The following CADPS2 variants were observed in gnomAD, a reference collection of about 807,000 sequenced individuals.
CADPS2 encodes the protein calcium dependent secretion activator 2.
CADPS2 carries 93 observed loss-of-function variants against 172.5 expected under a neutral mutation model. That is an observed-to-expected ratio of 0.54 (90% confidence interval 0.46 to 0.64). The LOEUF is 0.64. CADPS2 is among the 30% of genes least tolerant of loss of function. CADPS2 has a pLI of 0.00. For missense variants in CADPS2, 1,420 were observed against 1,565.9 expected (o/e 0.91, Z 1.57); for synonymous variants, 546 against 555.2 (o/e 0.98, Z 0.23).
At chr7:122,633,471 T>C (rs1267708620) in intron 3 of CADPS2, among the ~76,000 whole-genome samples, 1 of 152,116 alleles carries the variant, frequency 6.6e-6, no homozygotes, top group Non-Finnish European at 1.5e-5. Context: ...GTAAATGGGA[T>C]TGTGTTCTTG....
intron 1 of CADPS2, among the ~76,000 whole-genome samples, chr7:122,799,557 T>G (rs1797136678): frequency 7.2e-6 from 1 of 138,764 alleles, no homozygotes; most frequent in Non-Finnish European, 1.5e-5. Context: ...TAAGCAGAGA[T>G]CGCACCACTG....
At chr7:122,706,639 TAGTTAC>T (rs1321552501) in intron 2 of CADPS2, among the ~76,000 whole-genome samples, 1 of 147,536 alleles carries the variant, frequency 6.8e-6, no homozygotes, top group Non-Finnish European at 1.5e-5. Context: ...TATATATATA[TAGTTAC>T]ATGCTCTTAA....
At chr7:122,769,206 C>A (rs1388618412) in intron 1 of CADPS2, among the ~76,000 whole-genome samples, 1 of 152,176 alleles carries the variant, frequency 6.6e-6, no homozygotes, top group Admixed American at 6.5e-5. Flanking sequence ...AGTTTGTATT[C>A]TTTCACCAAC....
chr7:122,345,152 G>A (rs1418922514), intron 28 of CADPS2, among the ~76,000 whole-genome samples: 1 of 151,952 alleles, frequency 6.6e-6, no homozygotes, highest in Non-Finnish European at 1.5e-5. Flanking sequence ...TTGAGAGAAA[G>A]TCTCACTCTT....
intron 1 of CADPS2, among the ~76,000 whole-genome samples, chr7:122,759,974 T>G (rs918400021): frequency 6.6e-6 from 1 of 150,594 alleles, no homozygotes; most frequent in Admixed American, 6.6e-5. Context: ...TGGGTGTATA[T>G]AGGTGTATTT....
intron 3 of CADPS2, among the ~76,000 whole-genome samples, chr7:122,645,709 C>A (rs2134743284): frequency 7.8e-6 from 1 of 128,994 alleles, no homozygotes; most frequent in African/African-American, 2.9e-5. Flanking sequence ...TAGTTAGATC[C>A]ACTGGAAAAA....
chr7:122,855,712 G>A (rs1265422995), intron 1 of CADPS2, among the ~76,000 whole-genome samples: 3 of 152,130 alleles, frequency 2.0e-5, no homozygotes, highest in Non-Finnish European at 2.9e-5. Flanking sequence ...TGAAAAGAAT[G>A]CAGACTGCTT....
At chr7:122,477,148 A>G (rs2056791697) in intron 12 of CADPS2, among the ~76,000 whole-genome samples, 1 of 152,008 alleles carries the variant, frequency 6.6e-6, no homozygotes, top group Admixed American at 6.6e-5. Context: ...ACAGGCATTC[A>G]GTTTCAGTTT....
At chr7:122,685,778 A>G (rs1334353313) in intron 2 of CADPS2, among the ~76,000 whole-genome samples, 4 of 152,178 alleles carry the variant, frequency 2.6e-5, no homozygotes, top group Non-Finnish European at 5.9e-5. Flanking sequence ...AGGGCAATCA[A>G]TATTTGTTGA....
At chr7:122,683,641 A>G (rs2083306147) in intron 2 of CADPS2, among the ~76,000 whole-genome samples, 1 of 152,086 alleles carries the variant, frequency 6.6e-6, no homozygotes, top group Non-Finnish European at 1.5e-5. Context: ...GCTACTTAAA[A>G]TGTTATCTGT....
chr7:122,564,562 C>G (rs2066159521), intron 7 of CADPS2, among the ~76,000 whole-genome samples: 1 of 152,050 alleles, frequency 6.6e-6, no homozygotes, highest in African/African-American at 2.4e-5. Context: ...CTACCTCGGA[C>G]TCCCAAAGTG....
intron 2 of CADPS2, among the ~76,000 whole-genome samples, chr7:122,696,066 A>T (rs1411416702): frequency 6.6e-6 from 1 of 152,188 alleles, no homozygotes; most frequent in Non-Finnish European, 1.5e-5. Context: ...TTTCTTGGAC[A>T]AATGGTAGAA....
intron 8 of CADPS2, among the ~76,000 whole-genome samples, chr7:122,552,782 T>G (rs974386364): frequency 1.3e-5 from 2 of 151,452 alleles, no homozygotes; most frequent in African/African-American, 2.4e-5. Context: ...CCTGTTTTTT[T>G]TTTTTTTTTT....
intron 3 of CADPS2, among the ~76,000 whole-genome samples, chr7:122,662,278 C>T (rs1226407897): frequency 6.6e-6 from 1 of 150,382 alleles, no homozygotes; most frequent in East Asian, 2.0e-4. Context: ...TCAACATAAA[C>T]AAACAAAATG....
At chr7:122,410,000 T>C (rs2047106787) in intron 19 of CADPS2, among the ~76,000 whole-genome samples, 2 of 152,180 alleles carry the variant, frequency 1.3e-5, no homozygotes, top group South Asian at 4.1e-4. Context: ...TTTAATTTGC[T>C]TAAGAGGGAA....
intron 17 of CADPS2, among the ~76,000 whole-genome samples, chr7:122,425,224 A>G (rs76636080): frequency 0.028 from 4,298 of 151,818 alleles, 186 homozygotes; most frequent in African/African-American, 0.098. Flanking sequence ...CAAGTGATCC[A>G]TCTTTATCAG....
intron 3 of CADPS2, among the ~76,000 whole-genome samples, chr7:122,658,696 G>A (rs1281066628): frequency 1.3e-5 from 2 of 152,116 alleles, no homozygotes; most frequent in East Asian, 1.9e-4. Context: ...GAGAACACGT[G>A]GACACAGGAA....
At chr7:122,868,987 T>C (rs1819022801) in intron 1 of CADPS2, among the ~76,000 whole-genome samples, 1 of 151,872 alleles carries the variant, frequency 6.6e-6, no homozygotes, top group South Asian at 2.1e-4. Context: ...GACAAAATCA[T>C]TGGAAATCAT....
At chr7:122,523,714 T>A (rs1316768531) in intron 8 of CADPS2, among the ~76,000 whole-genome samples, 1 of 152,132 alleles carries the variant, frequency 6.6e-6, no homozygotes, top group African/African-American at 2.4e-5. Context: ...TAAAGCATGG[T>A]TTCATGTTTT....
Sources: gnomAD v4.1 joint callset for allele counts (sites outside exome capture counted in the v4.1 genomes callset) on GRCh38, gnomAD v4.1.1 for gene constraint, MANE v1.5 for transcripts, NCBI Gene and HGNC (gene_info 2026-07-23, HGNC 2026-07-21) for gene names.